Variants in KIF21A observed in about 807,000 individuals in gnomAD.
The protein encoded by KIF21A is kinesin-like protein KIF21A.
In KIF21A, 114 loss-of-function variants were observed where a neutral mutation model predicts 202.9. The observed-to-expected ratio is 0.56, with a 90% confidence interval of 0.48 to 0.66. KIF21A has a LOEUF of 0.66. KIF21A is among the 30% of genes least tolerant of loss of function. The probability of loss-of-function intolerance (pLI) is 0.00; values close to 1 mark genes in which losing one functional copy is unlikely to be tolerated. For synonymous variants in KIF21A, 667 were observed against 670.8 expected (o/e 0.99, Z 0.09); for missense variants, 1,677 against 1,994.9 (o/e 0.84, Z 3.04).
chr12:39,303,534 G>T (rs1943165029), intron 35 of KIF21A, among the ~76,000 whole-genome samples: 1 of 152,146 alleles, frequency 6.6e-6, no homozygotes, highest in African/African-American at 2.4e-5. Context: ...AACCTGGCAT[G>T]AATGACAACT....
intron 19 of KIF21A, 47 bp downstream of exon 19, chr12:39,332,846 A>T: frequency 6.2e-7 from 1 of 1,607,518 alleles, no homozygotes; most frequent in South Asian, 1.1e-5. Flanking sequence ...AACATTCAGT[A>T]TTAACGGCCA....
intron 1 of KIF21A, among the ~76,000 whole-genome samples, chr12:39,438,997 T>C (rs1939199802): frequency 6.6e-6 from 1 of 152,172 alleles, no homozygotes; most frequent in Non-Finnish European, 1.5e-5. Flanking sequence ...ATCTAAGCCA[T>C]CCATTCAACT....
At chr12:39,360,390 A>T (rs1034385592) in intron 7 of KIF21A, among the ~76,000 whole-genome samples, 2 of 141,730 alleles carry the variant, frequency 1.4e-5, no homozygotes, top group African/African-American at 5.7e-5. Flanking sequence ...TATTAGAAAT[A>T]TGATTTTTTT....
chr12:39,420,766 T>A lies in KIF21A; in HGVS notation c.44+22161A>T, dbSNP rs143811192. ...TAAAAGTAAGTTGAAAGTAATGAGA[T>A]CTACCCGTGAGGCTGAAAAGAAAAA... On this transcript the variant is annotated intron_variant, in intron 1 of 37. Coordinates refer to ENST00000361418, the MANE Select transcript of KIF21A (RefSeq NM_001173464.2). 1.3e-3 allele frequency among the ~76,000 whole-genome samples: 200 copies of A among 151,980 alleles called. 3 individuals carry two copies. The East Asian group carries it at 0.02, about 15-fold the overall frequency.
intron 7 of KIF21A, among the ~76,000 whole-genome samples, chr12:39,360,941 C>T (rs997436202): frequency 6.6e-6 from 1 of 152,234 alleles, no homozygotes; most frequent in African/African-American, 2.4e-5. Context: ...CCAAGGCTTA[C>T]ACAAAGTACA....
At chr12:39,420,277 G>A (rs1004256453) in intron 1 of KIF21A, among the ~76,000 whole-genome samples, 3 of 152,164 alleles carry the variant, frequency 2.0e-5, no homozygotes, top group Admixed American at 6.5e-5. Context: ...GCTGTAAGAG[G>A]CTATGGGTGT....
chr12:39,309,518 T>G (rs1943803435), intron 33 of KIF21A, 68 bp downstream of exon 33: 1 of 1,144,078 alleles, frequency 8.7e-7, no homozygotes, highest in Admixed American at 2.2e-5. Context: ...TCTTTTCTTA[T>G]ATTTGTAAAA....
chr12:39,331,486 A>C (rs1164725990), intron 22 of KIF21A, among the ~76,000 whole-genome samples: 1 of 152,174 alleles, frequency 6.6e-6, no homozygotes, highest in Non-Finnish European at 1.5e-5. Context: ...TCTAATAAAC[A>C]AACATAATGG....
intron 31 of KIF21A, 69 bp from the exon 32 acceptor site, chr12:39,311,622 T>G: frequency 6.4e-7 from 1 of 1,566,828 alleles, no homozygotes; most frequent in Non-Finnish European, 8.7e-7. Context: ...ATGAGACTAG[T>G]TTTGTTTTTT....
chr12:39,397,968 A>C (rs2139791997), intron 1 of KIF21A, among the ~76,000 whole-genome samples: 1 of 152,348 alleles, frequency 6.6e-6, no homozygotes, highest in African/African-American at 2.4e-5. Context: ...CAGCCACACA[A>C]ATCTGACACA....
At chr12:39,413,379 A>T (rs1487076056) in intron 1 of KIF21A, among the ~76,000 whole-genome samples, 1 of 152,132 alleles carries the variant, frequency 6.6e-6, no homozygotes, top group Non-Finnish European at 1.5e-5. Flanking sequence ...ACGCTATCCC[A>T]CTTAAACAAA....
chr12:39,426,109 T>C (rs1392195998), intron 1 of KIF21A, among the ~76,000 whole-genome samples: 1 of 152,216 alleles, frequency 6.6e-6, no homozygotes, highest in Non-Finnish European at 1.5e-5. Flanking sequence ...CACAAGACAC[T>C]GAGATTGATG....
intron 1 of KIF21A, among the ~76,000 whole-genome samples, chr12:39,381,322 A>C (rs1392015078): frequency 6.6e-6 from 1 of 151,858 alleles, no homozygotes; most frequent in Non-Finnish European, 1.5e-5. Flanking sequence ...AAAAAAAAAA[A>C]AAACTATTTC....
At chr12:39,322,624 T>TA in intron 27 of KIF21A, 44 bp downstream of exon 27, 1 of 1,441,768 alleles carries the variant, frequency 6.9e-7, no homozygotes, top group Non-Finnish European at 9.7e-7. Context: ...CTTTTTTTTT[T>TA]AAAGCCAAAA....
At chr12:39,397,531 T>C (rs1951847534) in intron 1 of KIF21A, among the ~76,000 whole-genome samples, 1 of 152,254 alleles carries the variant, frequency 6.6e-6, no homozygotes, top group African/African-American at 2.4e-5. Flanking sequence ...ATTTAATATG[T>C]GATTGCTCTT....
At chr12:39,323,876 C>T (rs1292350635) in intron 26 of KIF21A, among the ~76,000 whole-genome samples, 8 of 151,892 alleles carry the variant, frequency 5.3e-5, no homozygotes, top group Middle Eastern at 3.2e-3. Context: ...TTTGGGAGGC[C>T]GAGGCAGGTG....
chr12:39,379,339 A>G (rs1237980554), intron 1 of KIF21A, among the ~76,000 whole-genome samples: 1 of 152,140 alleles, frequency 6.6e-6, no homozygotes, highest in East Asian at 1.9e-4. Flanking sequence ...AAAAAAAAAA[A>G]AAAACCTGTT....
intron 1 of KIF21A, among the ~76,000 whole-genome samples, chr12:39,420,729 C>T (rs1217213895): frequency 6.6e-6 from 1 of 151,780 alleles, no homozygotes; most frequent in Non-Finnish European, 1.5e-5. Flanking sequence ...AAAATGACAC[C>T]ATTCTTACAG....
chr12:39,360,932 C>T (rs1779626862), intron 7 of KIF21A, among the ~76,000 whole-genome samples: 1 of 152,074 alleles, frequency 6.6e-6, no homozygotes, highest in South Asian at 2.1e-4. Context: ...TTTTGCTCTC[C>T]AAGGCTTACA....
Sources: gnomAD v4.1 joint callset for allele counts (sites outside exome capture counted in the v4.1 genomes callset) on GRCh38, gnomAD v4.1.1 for gene constraint, MANE v1.5 for transcripts, NCBI Gene and HGNC (gene_info 2026-07-23, HGNC 2026-07-21) for gene names.